ZMPSTE24: variants seen among roughly 807,000 people sequenced by gnomAD.
ZMPSTE24 encodes the protein CAAX prenyl protease 1 homolog.
A neutral mutation model predicts 56.7 loss-of-function variants in ZMPSTE24; 48 were observed. The ratio of observed to expected loss-of-function variants is 0.85; its 90% CI spans 0.67 to 1.08. The LOEUF (loss-of-function observed/expected upper bound fraction) is 1.08. ZMPSTE24 is among the 50% of genes least tolerant of loss of function. The pLI, the probability that ZMPSTE24 is intolerant of heterozygous loss-of-function variation, is 0.00. For synonymous variants in ZMPSTE24, 172 were observed against 195.2 expected (o/e 0.88, Z 0.99); for missense variants, 503 against 548.7 (o/e 0.92, Z 0.83).
chr1:40,278,061 A>T (rs1643688630), intron 6 of ZMPSTE24, among the ~76,000 whole-genome samples: 1 of 151,990 alleles, frequency 6.6e-6, no homozygotes, highest in Non-Finnish European at 1.5e-5. Flanking sequence ...ATAAGCAAAC[A>T]TGTTTGGCTC....
Position 40,285,653 on chromosome 1 carries a change from GT to G in ZMPSTE24, c.955-262del, listed in dbSNP as rs937789228. ...ATTATAAAGATTTCTATTTCTTCCA[GT>G]TTTTTTTTTCCTAATCTAAGTTAGT... On this transcript the variant is annotated intron_variant, in intron 7 of 9. Transcript: ENST00000372759. Among the ~76,000 whole-genome samples the G allele has an allele frequency of 3.0e-3, 441 of 149,316 alleles. 6 individuals carry two copies. The highest frequency in any genetic ancestry group is 0.01 in the African/African-American group (419 of 40,850).
At chr1:40,272,182 G>A in intron 6 of ZMPSTE24, 147 bp downstream of exon 6, 2 of 934,694 alleles carry the variant, frequency 2.1e-6, no homozygotes, top group Non-Finnish European at 2.9e-6. Context: ...TTTACCTTTT[G>A]GCTTTTTAAG....
chr1:40,286,613 G>A (rs1643789119), intron 8 of ZMPSTE24, among the ~76,000 whole-genome samples: 1 of 151,588 alleles, frequency 6.6e-6, no homozygotes, highest in Admixed American at 6.6e-5. Flanking sequence ...TAGACACAGG[G>A]TATCACCATG....
At chr1:40,276,636 A>G (rs1196651345) in intron 6 of ZMPSTE24, among the ~76,000 whole-genome samples, 1 of 152,232 alleles carries the variant, frequency 6.6e-6, no homozygotes, top group African/African-American at 2.4e-5. Context: ...CAGTAAATAA[A>G]CATCATTGAA....
intron 6 of ZMPSTE24, among the ~76,000 whole-genome samples, chr1:40,280,395 CAAA>C (rs909488114): frequency 1.3e-5 from 2 of 151,862 alleles, no homozygotes; most frequent in Non-Finnish European, 2.9e-5. Context: ...ATTTTGAACT[CAAA>C]GAAGAAAATT....
chr1:40,274,984 A>G (rs948731457), intron 6 of ZMPSTE24, among the ~76,000 whole-genome samples: 2 of 152,074 alleles, frequency 1.3e-5, no homozygotes, highest in Admixed American at 6.6e-5. Flanking sequence ...GATGGAAAAA[A>G]ATAGGAGAAG....
At position 40,268,621 on chromosome 1, in the gene ZMPSTE24, T is replaced by C. The variant is rs572037655; in HGVS notation, c.474+86T>C. 5.4e-4 allele frequency: 484 copies of C among 903,206 alleles called. No individual in the cohort carries two copies. In the African/African-American group the frequency reaches 7.6e-3, roughly 14 times the overall value. 55.9% of individuals were successfully genotyped at this position (903,206 alleles called of 1,614,324 possible). ...GTACTGTTTATAATTTAAACATAAT[T>C]TACTATTTCAGAGTATGAATTGAGA... is the stretch of plus-strand genomic sequence containing the variant. On this transcript the variant is annotated intron_variant, in intron 4 of 9. Coordinates refer to ENST00000372759, the MANE Select transcript of ZMPSTE24 (RefSeq NM_005857.5).
Position 40,292,620 on chromosome 1 carries a change from C to T in ZMPSTE24, c.1379C>T (p.Pro460Leu), listed in dbSNP as rs546181580. ...WLFSMWHYSH[P>L]PLLERLQALK... Reference sequence around the variant, plus strand: ...TTCTCAATGTGGCATTATTCTCATCCTCCACTGCTAGAGAGACTTCAAGCT... The same window carrying T: ...TTCTCAATGTGGCATTATTCTCATCTTCCACTGCTAGAGAGACTTCAAGCT... Residue 460 changes from proline to leucine, a missense_variant, in exon 10 of 10, where the codon CCT becomes CTT. By Grantham distance (98) the Pro-to-Leu change is moderately conservative. Coordinates refer to ENST00000372759, the MANE Select transcript of ZMPSTE24 (RefSeq NM_005857.5). 6.2e-7 allele frequency: 1 copy of T among 1,614,110 alleles called. No individual in the cohort carries two copies. The highest frequency in any genetic ancestry group is 1.3e-5 in the African/African-American group (1 of 75,040).
At chr1:40,258,480 T>C in intron 1 of ZMPSTE24, 86 bp downstream of exon 1, 2 of 1,602,390 alleles carry the variant, frequency 1.2e-6, no homozygotes, top group South Asian at 2.2e-5. Flanking sequence ...TCTTGATTGC[T>C]TCGGTCCCCG....
chr1:40,281,476 A>C lies in ZMPSTE24; in HGVS notation c.903A>C (p.Glu301Asp), dbSNP rs143686273. Residue 301 changes from glutamate (E) to aspartate (D), a missense_variant, in exon 7 of 10, where the codon GAA becomes GAC. Coordinates refer to ENST00000372759, the MANE Select transcript of ZMPSTE24 (RefSeq NM_005857.5). ...ACATCCAGGAGGATTCTGGCATGGA[A>C]CCCCGCAATGAGGAAGAAGGGAACA... ...NKDIQEDSGM[E>D]PRNEEEGNSE... 6.2e-7 allele frequency: 1 copy of C among 1,613,970 alleles called. No individual in the cohort carries two copies. Among genetic ancestry groups the C allele is most frequent in the African/African-American group, 1.3e-5 (1 of 74,914 alleles).
At chr1:40,280,770 TATAAA>T (rs1395137921) in intron 6 of ZMPSTE24, among the ~76,000 whole-genome samples, 1 of 152,148 alleles carries the variant, frequency 6.6e-6, no homozygotes, top group Non-Finnish European at 1.5e-5. Context: ...CTAAAATAAA[TATAAA>T]ATAAACAGCA....
rs371739072 is a variant in ZMPSTE24 at position 40,268,539 on chromosome 1, T to C, written c.474+4T>C. The C allele has an allele frequency of 1.6e-5, 25 of 1,536,042 alleles. No individual in the cohort carries two copies. In the African/African-American group the frequency reaches 3.0e-4, roughly 18 times the overall value. On this transcript the variant is annotated splice_donor_region_variant and intron_variant, in intron 4 of 9. Coordinates refer to ENST00000372759, the MANE Select transcript of ZMPSTE24 (RefSeq NM_005857.5). Reference sequence around the variant, plus strand: ...AAAACATGGCTTCAATCAACAGGTATAATAAAGAATACAAATGTTCTCTTT... The same window carrying C: ...AAAACATGGCTTCAATCAACAGGTACAATAAAGAATACAAATGTTCTCTTT...
chr1:40,286,523 C>T (rs1354312949), intron 8 of ZMPSTE24, among the ~76,000 whole-genome samples: 19 of 151,924 alleles, frequency 1.3e-4, no homozygotes, highest in Non-Finnish European at 2.8e-4. Flanking sequence ...CAGGTTCAAG[C>T]GATTCTCCTA....
intron 4 of ZMPSTE24, among the ~76,000 whole-genome samples, chr1:40,269,743 G>C (rs1042764198): frequency 6.6e-6 from 1 of 152,150 alleles, no homozygotes; most frequent in Non-Finnish European, 1.5e-5. Context: ...TGGAATTACA[G>C]TTGTGAGCCA....
chr1:40,273,906 CT>C (rs200547423), intron 6 of ZMPSTE24, among the ~76,000 whole-genome samples: 137 of 151,090 alleles, frequency 9.1e-4, no homozygotes, highest in Non-Finnish European at 1.6e-3. Flanking sequence ...TTCTTTTTAT[CT>C]TTTTTTTTCC....
chr1:40,270,423 T>C lies in ZMPSTE24; in HGVS notation c.627+296T>C, dbSNP rs72943188. Among the ~76,000 whole-genome samples, 1,949 of 152,274 alleles carry C rather than the reference T, an allele frequency of 0.013. 49 individuals carry two copies. Among genetic ancestry groups the C allele is most frequent in the African/African-American group, 0.045 (1,871 of 41,552 alleles). On this transcript the variant is annotated intron_variant, in intron 5 of 9. Transcript: ENST00000372759. Reference sequence around the variant, plus strand: ...ATTTGCGAGTTGCCACCAGAATGACTAAGTGTGATAATTTAATGACTCCTG... The same window carrying C: ...ATTTGCGAGTTGCCACCAGAATGACCAAGTGTGATAATTTAATGACTCCTG...
chr1:40,268,711 G>C (rs1156598611), intron 4 of ZMPSTE24, among the ~76,000 whole-genome samples, 176 bp downstream of exon 4: 7 of 152,088 alleles, frequency 4.6e-5, no homozygotes, highest in African/African-American at 1.7e-4. Flanking sequence ...GGTGGCTCTG[G>C]CCAGTTGCCC....
At position 40,273,564 on chromosome 1, in the gene ZMPSTE24, ATATATG is replaced by A. The variant is rs1643637800; in HGVS notation, c.769+1531_769+1536del. Among the ~76,000 whole-genome samples the A allele has an allele frequency of 4.0e-5, 5 of 125,428 alleles. No homozygotes were observed. The South Asian group carries it at 1.3e-3, about 33-fold the overall frequency. 82.3% of individuals were successfully genotyped at this position (125,428 alleles called of 152,430 possible). A position where few individuals can be genotyped will look rare whatever the true frequency, so the allele number is the denominator to read the frequency against. ...TATATATATATATATATATATATAT[ATATATG>A]TCAGACATTTAGTGGCTCCTGAGGA... On this transcript the variant is annotated intron_variant, in intron 6 of 9. Transcript: ENST00000372759.
In ZMPSTE24 at chr1:40,258,366, T is replaced by A; in HGVS notation, c.95T>A (p.Leu32His). ...CTGCTCTTTTCCTGGACAGTGTATCTTTGGGAGACCTTCCTAGCACAGCGG... is the reference window on the plus strand; with the variant it reads ...CTGCTCTTTTCCTGGACAGTGTATCATTGGGAGACCTTCCTAGCACAGCGG... ...AVLLFSWTVY[L>H]WETFLAQRQR... The change falls in exon 1 of 10, where the codon CTT becomes CAT. Residue 32 changes from leucine to histidine, a missense_variant. Physicochemically the swap from Leu to His is moderately conservative, Grantham distance 99. Coordinates refer to ENST00000372759, the MANE Select transcript of ZMPSTE24 (RefSeq NM_005857.5). 6.2e-7 allele frequency: 1 copy of A among 1,614,146 alleles called. No individual in the cohort carries two copies.
Sources: gnomAD v4.1 joint callset for allele counts (sites outside exome capture counted in the v4.1 genomes callset) on GRCh38, gnomAD v4.1.1 for gene constraint, MANE v1.5 for transcripts, NCBI Gene and HGNC (gene_info 2026-07-23, HGNC 2026-07-21) for gene names.